WBP2NL: variants seen among roughly 807,000 people sequenced by gnomAD.
WBP2NL encodes WBP2 N-terminal like, also known as postacrosomal sheath WW domain-binding protein.
A neutral mutation model predicts 23.3 loss-of-function variants in WBP2NL; 27 were observed. That is an observed-to-expected ratio of 1.16 (90% CI 0.85 to 1.60). The LOEUF is 1.60. Ranked by LOEUF, WBP2NL falls within the 40% of genes most tolerant of loss-of-function variation. The pLI, the probability that WBP2NL is intolerant of heterozygous loss-of-function variation, is 0.00. For synonymous variants in WBP2NL, 151 were observed against 145.9 expected (o/e 1.03, Z -0.25); for missense variants, 370 against 389.5 (o/e 0.95, Z 0.42).
At chr22:42,018,431 GGAAA>G (rs959195798) in intron 1 of WBP2NL, among the ~76,000 whole-genome samples, 10 of 149,812 alleles carry the variant, frequency 6.7e-5, no homozygotes, top group African/African-American at 2.2e-4. Flanking sequence ...CAAAAGGAAA[GGAAA>G]GAAAGAAGTG....
chr22:42,014,677 C>T (rs1425389522), intron 1 of WBP2NL, among the ~76,000 whole-genome samples: 1 of 152,124 alleles, frequency 6.6e-6, no homozygotes, highest in African/African-American at 2.4e-5. Flanking sequence ...CAGGTAGTAA[C>T]CGTTATTCCC....
chr22:42,035,284 G>A (rs956936399), downstream of WBP2NL, among the ~76,000 whole-genome samples: 1 of 152,362 alleles, frequency 6.6e-6, no homozygotes, highest in African/African-American at 2.4e-5. Context: ...GGCCTTCCTG[G>A]GCCCCCAAGA....
At chr22:42,018,006 C>G (rs1923473735) in intron 1 of WBP2NL, among the ~76,000 whole-genome samples, 1 of 151,934 alleles carries the variant, frequency 6.6e-6, no homozygotes, top group African/African-American at 2.4e-5. Flanking sequence ...AAAAATTAGC[C>G]TGGCATGGTG....
At chr22:42,049,940 GCA>G (rs1436312913) in intron 8 of WBP2NL, among the ~76,000 whole-genome samples, 1 of 132,314 alleles carries the variant, frequency 7.6e-6, no homozygotes, top group Non-Finnish European at 1.5e-5. Flanking sequence ...TTGTGCCATA[GCA>G]CTCCGGCCTG....
chr22:42,001,053 A>T, intron 1 of WBP2NL: 1 of 787,182 alleles, frequency 1.3e-6, no homozygotes, highest in Non-Finnish European at 2.1e-6. Flanking sequence ...AAGGGGGAAA[A>T]ATCTTAGGAA....
At position 42,001,545 on chromosome 22, in the gene WBP2NL, C is replaced by T. The variant is rs1235423923; in HGVS notation, c.62+2665C>T. 2.7e-6 allele frequency: 3 copies of T among 1,112,434 alleles called. No homozygotes were observed. The African/African-American group carries it at 4.6e-5, about 17-fold the overall frequency. 68.9% of individuals were successfully genotyped at this position (1,112,434 alleles called of 1,614,324 possible). A position where few individuals can be genotyped will look rare whatever the true frequency, so the allele number is the denominator to read the frequency against. On this transcript the variant is annotated intron_variant, in intron 1 of 5. Transcript: ENST00000328823. ...GCTCCAGCTTTGCCCACATCAGCTG[C>T]TACACGAGTATGGGCAAAATCAAGA...
At chr22:42,022,500 T>C in intron 5 of WBP2NL, 144 bp downstream of exon 5, 1 of 738,592 alleles carries the variant, frequency 1.4e-6, no homozygotes, top group East Asian at 2.8e-5. Context: ...TGACTTTGTT[T>C]CCAGACTGAA....
At chr22:42,018,667 C>T (rs1174553236) in intron 1 of WBP2NL, among the ~76,000 whole-genome samples, 1 of 151,958 alleles carries the variant, frequency 6.6e-6, no homozygotes, top group East Asian at 1.9e-4. Flanking sequence ...TCTTTACCAG[C>T]GTCAAAGAAC....
At chr22:42,025,808 A>G (rs1924419006) in intron 5 of WBP2NL, among the ~76,000 whole-genome samples, 6 of 152,338 alleles carry the variant, frequency 3.9e-5, no homozygotes, top group Admixed American at 2.6e-4. Flanking sequence ...AATGTAACCC[A>G]AGGTAATAAG....
chr22:42,033,409 C>G (rs780976705), downstream of WBP2NL, among the ~76,000 whole-genome samples: 1 of 152,134 alleles, frequency 6.6e-6, no homozygotes, highest in Non-Finnish European at 1.5e-5. Context: ...TTCTCTTTGC[C>G]CACAACATGT....
At chr22:42,046,047 T>G (rs1004424122) in intron 8 of WBP2NL, among the ~76,000 whole-genome samples, 1 of 152,250 alleles carries the variant, frequency 6.6e-6, no homozygotes, top group African/African-American at 2.4e-5. Flanking sequence ...TAAACTGTTT[T>G]GTAAAATAAG....
chr22:42,018,303 A>C (rs1208073225), intron 1 of WBP2NL, among the ~76,000 whole-genome samples: 1 of 137,494 alleles, frequency 7.3e-6, no homozygotes, highest in Non-Finnish European at 1.5e-5. Flanking sequence ...ACAGAGTGAG[A>C]CCCTGTCTCA....
intron 8 of WBP2NL, among the ~76,000 whole-genome samples, chr22:42,045,596 C>G: frequency 6.6e-6 from 1 of 152,322 alleles, no homozygotes; most frequent in South Asian, 2.1e-4. Context: ...GTGAACAGCT[C>G]TCTGCCCACA....
intron 2 of WBP2NL, 117 bp downstream of exon 2, chr22:42,019,536 C>T: frequency 6.5e-7 from 1 of 1,532,828 alleles, no homozygotes; most frequent in Non-Finnish European, 8.9e-7. Flanking sequence ...TGGGATTTTC[C>T]ACACTGAAGG....
chr22:42,053,433 G>A (rs961511103), intron 8 of WBP2NL, among the ~76,000 whole-genome samples: 1 of 151,700 alleles, frequency 6.6e-6, no homozygotes, highest in African/African-American at 2.4e-5. Context: ...AATGTAACAT[G>A]GGCATCTTTT....
chr22:41,999,863 G>C (rs142099991), intron 1 of WBP2NL, among the ~76,000 whole-genome samples: 2 of 152,136 alleles, frequency 1.3e-5, no homozygotes, highest in Non-Finnish European at 2.9e-5. Context: ...TGCTCCTTGC[G>C]GTGCCTGCTG....
In WBP2NL at chr22:42,050,211, G is replaced by T. The variant is rs5751208; in HGVS notation, c.*274-8079G>T. ...AGTCCTAGCTACTCGGGAGGCTTAG[G>T]TGGGAGGATTGCTTGAGGCTGCAGT... On this transcript the variant is annotated intron_variant and NMD_transcript_variant, in intron 8 of 8. Coordinates refer to the WBP2NL transcript ENST00000436265. Among the ~76,000 whole-genome samples, 413 of 152,178 alleles carry T rather than the reference G, an allele frequency of 2.7e-3. 18 individuals carry two copies. The East Asian group carries it at 0.059, about 22-fold the overall frequency.
chr22:42,026,666 T>C, intron 5 of WBP2NL, 100 bp from the exon 6 acceptor site: 1 of 1,515,588 alleles, frequency 6.6e-7, no homozygotes, highest in Non-Finnish European at 8.9e-7. Flanking sequence ...CTTCTCTTCT[T>C]GCGTCAGTTT....
At position 42,027,840 on chromosome 22, in the gene WBP2NL, G is replaced by A. The variant is rs1050699573; in HGVS notation, c.*659G>A. On this transcript the variant is annotated 3_prime_UTR_variant, in exon 6 of 6. Transcript: ENST00000328823. ...ATATATTAATTTATAGTCAGAATAC[G>A]TGAATAACTACAAATCAATTCTCCC... 3.8e-5 allele frequency: 15 copies of A among 397,120 alleles called. No individual in the cohort carries two copies. The highest frequency in any genetic ancestry group is 6.2e-4 in the Middle Eastern group (1 of 1,604). 24.6% of individuals were successfully genotyped at this position (397,120 alleles called of 1,614,324 possible). A position where few individuals can be genotyped will look rare whatever the true frequency, so the allele number is the denominator to read the frequency against.
Sources: gnomAD v4.1 joint callset for allele counts (sites outside exome capture counted in the v4.1 genomes callset) on GRCh38, gnomAD v4.1.1 for gene constraint, MANE v1.5 for transcripts, NCBI Gene and HGNC (gene_info 2026-07-23, HGNC 2026-07-21) for gene names.